Variants in AGMO observed in about 807,000 individuals in gnomAD.
AGMO encodes alkylglycerol monooxygenase.
Under a neutral mutation model 60.2 loss-of-function variants are expected in AGMO, and 75 were observed. The ratio of observed to expected loss-of-function variants is 1.25; its 90% CI spans 1.03 to 1.51. The LOEUF is 1.51. Among genes scored for constraint, AGMO ranks in the 40% most tolerant of loss-of-function variants. The pLI, the probability that AGMO is intolerant of heterozygous loss-of-function variation, is 0.00. For missense variants in AGMO, 763 were observed against 525.5 expected (o/e 1.45, Z -4.42); for synonymous variants, 261 against 177.1 (o/e 1.47, Z -3.76).
intron 12 of AGMO, among the ~76,000 whole-genome samples, chr7:15,354,465 T>C (rs1384997657): frequency 0.034 from 943 of 27,542 alleles, 171 homozygotes; most frequent in African/African-American, 0.14. Context: ...TACACACGTG[T>C]GTGTATACAC....
intron 12 of AGMO, among the ~76,000 whole-genome samples, chr7:15,292,751 CTTTTTTTTTTTT>C (rs765222435): frequency 6.3e-5 from 6 of 95,128 alleles, no homozygotes; most frequent in African/African-American, 2.8e-4. Flanking sequence ...TTTTTTTTTC[CTTTTTTTTTTTT>C]TTTTTTTTTT....
chr7:15,398,157 A>G (rs976926311), intron 5 of AGMO, among the ~76,000 whole-genome samples: 1 of 152,146 alleles, frequency 6.6e-6, no homozygotes, highest in African/African-American at 2.4e-5. Flanking sequence ...TACACTGACC[A>G]GCTTCTGCTC....
At chr7:15,359,281 T>TC (rs1450659413) in intron 12 of AGMO, among the ~76,000 whole-genome samples, 1 of 121,924 alleles carries the variant, frequency 8.2e-6, no homozygotes, top group African/African-American at 3.4e-5. Flanking sequence ...AGAGCAAGAC[T>TC]CCGTCTCAAC....
At chr7:15,547,471 G>A (rs989211627) in intron 2 of AGMO, among the ~76,000 whole-genome samples, 8 of 152,060 alleles carry the variant, frequency 5.3e-5, no homozygotes, top group East Asian at 1.9e-4. Flanking sequence ...CACCGTGCGC[G>A]AGCCGAAGCA....
At chr7:15,297,821 T>C (rs73679461) in intron 12 of AGMO, among the ~76,000 whole-genome samples, 115 of 152,198 alleles carry the variant, frequency 7.6e-4, no homozygotes, top group African/African-American at 2.7e-3. Context: ...TAGGCAAACA[T>C]GAGTGAATGA....
At position 15,390,921 on chromosome 7, in the gene AGMO, T is replaced by G. The variant is rs1375780908; in HGVS notation, c.677-16A>C. The G allele has an allele frequency of 2.6e-6, 4 of 1,529,116 alleles. No individual in the cohort carries two copies. The highest frequency in any genetic ancestry group is 2.3e-5 in the East Asian group (1 of 44,022). The allele number at this position is 1,529,116 out of a possible 1,614,324, so 94.7% of individuals were successfully genotyped here. A position where few individuals can be genotyped will look rare whatever the true frequency, so the allele number is the denominator to read the frequency against. ...CGATTTCTGCCTATGAGACAAAATA[T>G]TAGAAATTTTTTTTCAGAAAAATAG... On this transcript the variant is annotated splice_polypyrimidine_tract_variant and intron_variant, in intron 6 of 12. Transcript: ENST00000342526.
intron 5 of AGMO, among the ~76,000 whole-genome samples, chr7:15,395,720 T>C (rs913980663): frequency 6.6e-5 from 10 of 152,234 alleles, no homozygotes; most frequent in African/African-American, 2.4e-4. Context: ...AAAAAGTTTG[T>C]TAAAAATTTA....
At position 15,429,419 on chromosome 7, in the gene AGMO, G is replaced by A. The variant is rs529342921; in HGVS notation, c.513+1586C>T. ...AACGCCATGTGAAAATAAGAATTAC[G>A]TTGTCACAAGCCCAGAAAGAACCAA... On this transcript the variant is annotated intron_variant, in intron 4 of 12. Coordinates refer to ENST00000342526, the MANE Select transcript of AGMO (RefSeq NM_001004320.2). 6.6e-5 allele frequency among the ~76,000 whole-genome samples: 10 copies of A among 152,052 alleles called. No homozygotes were observed. The South Asian group carries it at 8.3e-4, about 13-fold the overall frequency.
chr7:15,257,098 T>C (rs182410356), intron 12 of AGMO, among the ~76,000 whole-genome samples: 1 of 152,198 alleles, frequency 6.6e-6, no homozygotes, highest in African/African-American at 2.4e-5. Context: ...TGTTTTTGTA[T>C]GCTGCGGTTT....
chr7:15,378,557 G>A (rs374885556), intron 10 of AGMO, among the ~76,000 whole-genome samples: 138 of 152,018 alleles, frequency 9.1e-4, no homozygotes, highest in African/African-American at 3.0e-3. Flanking sequence ...CAAGTTCTTA[G>A]AGATCTTCAA....
intron 3 of AGMO, among the ~76,000 whole-genome samples, chr7:15,479,630 C>T (rs7782291): frequency 0.4 from 60,987 of 151,876 alleles, 13,745 homozygotes; most frequent in Non-Finnish European, 0.52. Context: ...TTAACATTTG[C>T]GAATGCAATT....
the AGMO span, among the ~76,000 whole-genome samples, chr7:15,154,225 T>G: frequency 3.9e-5 from 6 of 152,196 alleles, no homozygotes; most frequent in African/African-American, 1.4e-4. Context: ...AGCTCTGCTA[T>G]ATATCAACAG....
chr7:15,415,762 TA>T (rs1373864397), intron 5 of AGMO, among the ~76,000 whole-genome samples: 3 of 151,984 alleles, frequency 2.0e-5, no homozygotes, highest in African/African-American at 7.3e-5. Context: ...ACCTGACATC[TA>T]AAAAAATACT....
chr7:15,165,580 T>C, the AGMO span, among the ~76,000 whole-genome samples: 1 of 152,148 alleles, frequency 6.6e-6, no homozygotes, highest in Admixed American at 6.5e-5. Flanking sequence ...ATTTTAAAAG[T>C]CGAGAAAAAC....
At chr7:15,274,036 G>A (rs1338076134) in intron 12 of AGMO, among the ~76,000 whole-genome samples, 1 of 152,134 alleles carries the variant, frequency 6.6e-6, no homozygotes, top group Non-Finnish European at 1.5e-5. Flanking sequence ...AGACAATGGG[G>A]TTTTCTGAAT....
chr7:15,192,006 C>G, the AGMO span, among the ~76,000 whole-genome samples: 49,261 of 145,154 alleles, frequency 0.34, 8,158 homozygotes, highest in South Asian at 0.43. Flanking sequence ...CACACACACA[C>G]AGAGAACTAT....
At chr7:15,396,780 A>G (rs1050900961) in intron 5 of AGMO, among the ~76,000 whole-genome samples, 3 of 151,336 alleles carry the variant, frequency 2.0e-5, no homozygotes, top group Non-Finnish European at 4.4e-5. Context: ...TCCATCTTAC[A>G]GGGAGCTGAT....
the AGMO span, among the ~76,000 whole-genome samples, chr7:15,127,659 T>G: frequency 0.013 from 1,980 of 152,258 alleles, 32 homozygotes; most frequent in African/African-American, 0.045. Context: ...GGGATTACTG[T>G]AGAATTATTG....
chr7:15,323,462 A>C (rs1781244816), intron 12 of AGMO, among the ~76,000 whole-genome samples: 1 of 152,210 alleles, frequency 6.6e-6, no homozygotes, highest in Non-Finnish European at 1.5e-5. Flanking sequence ...CAGTGTATAC[A>C]ATAAATATGT....
Sources: gnomAD v4.1 joint callset for allele counts (sites outside exome capture counted in the v4.1 genomes callset) on GRCh38, gnomAD v4.1.1 for gene constraint, MANE v1.5 for transcripts, NCBI Gene and HGNC (gene_info 2026-07-23, HGNC 2026-07-21) for gene names.